Variants in ZNF628 observed in about 807,000 individuals in gnomAD.
ZNF628 encodes the protein zinc finger protein Zec.
In ZNF628, 3 loss-of-function variants were observed where a neutral mutation model predicts 2.5. The observed-to-expected ratio is 1.19, with a 90% confidence interval of 0.54 to 3.07. ZNF628 has a LOEUF of 3.07. ZNF628 is among the 30% of genes most tolerant of loss of function. The pLI, the probability that ZNF628 is intolerant of heterozygous loss-of-function variation, is 0.03. For synonymous variants in ZNF628, 861 were observed against 717.1 expected (o/e 1.20, Z -3.21); for missense variants, 1,610 against 1,517.1 (o/e 1.06, Z -1.02).
In ZNF628 at chr19:55,482,239, C is replaced by T; in HGVS notation, c.1046C>T (p.Ala349Val). The change falls in exon 3 of 3, where the codon GCC (alanine) becomes GTC (valine). Residue 349 changes from alanine to valine, a missense_variant. By Grantham distance (64) the Ala-to-Val change is moderately conservative. Transcript: ENST00000598519. ...PSPLPQPPPP[A>V]AAPAPGFACL... ...CCTCTGCCGCAGCCCCCTCCTCCCGCCGCCGCCCCCGCGCCTGGCTTTGCC... is the reference window on the plus strand; with the variant it reads ...CCTCTGCCGCAGCCCCCTCCTCCCGTCGCCGCCCCCGCGCCTGGCTTTGCC... 5 of 1,444,352 alleles carry T rather than the reference C, an allele frequency of 3.5e-6. No individual in the cohort carries two copies. Among genetic ancestry groups the T allele is most frequent in the Non-Finnish European group, 4.5e-6 (5 of 1,106,762 alleles). The allele number at this position is 1,444,352 out of a possible 1,614,324, so 89.5% of individuals were successfully genotyped here.
In ZNF628 at chr19:55,482,908, G is replaced by T. The variant is rs1440708934; in HGVS notation, c.1715G>T (p.Gly572Val). The part of the protein sequence containing the change: ...GERPHACGVC[G>V]KSFAQTSNLR... ...AGGCCCCACGCCTGCGGTGTCTGCG[G>T]CAAGAGCTTCGCGCAGACCTCCAAC... is the stretch of plus-strand genomic sequence containing the variant. Residue 572 changes from glycine to valine, a missense_variant, in exon 3 of 3, where the codon GGC becomes GTC. Physicochemically the swap from Gly to Val is moderately radical, Grantham distance 109. Around this residue, in one of 5 missense-constraint regions of ZNF628, gnomAD observed 651 missense variants for 575.6 expected, o/e 1.13. Transcript: ENST00000598519. 1 of 1,607,662 alleles carries T rather than the reference G, an allele frequency of 6.2e-7. No individual in the cohort carries two copies. Among genetic ancestry groups the T allele is most frequent in the Admixed American group, 1.7e-5 (1 of 59,788 alleles).
rs1568465868 is a variant in ZNF628, at chr19:55,479,479, G to A, written c.-77-355G>A. Reference sequence around the variant, plus strand: ...TTGGTTCTGCAGATGGGAACGTCCAGGAGAGGAGGAAAAGTGGAGGATGTG... The same window carrying A: ...TTGGTTCTGCAGATGGGAACGTCCAAGAGAGGAGGAAAAGTGGAGGATGTG... On this transcript the variant is annotated intron_variant, in intron 1 of 2. Coordinates refer to ENST00000598519, the MANE Select transcript of ZNF628 (RefSeq NM_033113.3). The surrounding 1 kb of genome is among the most constrained non-coding windows in gnomAD (Gnocchi z 5.1). Among the ~76,000 whole-genome samples, 1 of 152,230 alleles carries A rather than the reference G, an allele frequency of 6.6e-6. No individual in the cohort carries two copies. Among genetic ancestry groups the A allele is most frequent in the East Asian group, 1.9e-4 (1 of 5,200 alleles).
Position 55,484,034 on chromosome 19 carries a change from T to G in ZNF628, c.2841T>G (p.Thr947=). The G allele has an allele frequency of 1.3e-6, 2 of 1,595,992 alleles. No individual in the cohort carries two copies. Among genetic ancestry groups the G allele is most frequent in the Non-Finnish European group, 1.7e-6 (2 of 1,171,760 alleles). ...TGAGCGGGGCCGATGGCGAACAGAC[T>G]CGACTCTGCGTACAGGAGGTAGAAA... ...LVLSGADGEQ[T]RLCVQEVETL... Residue 947 remains threonine (T), a synonymous_variant, in exon 3 of 3, where the codon ACT becomes ACG. Transcript: ENST00000598519.
Position 55,482,635 on chromosome 19 carries a change from C to T in ZNF628, c.1442C>T (p.Pro481Leu), listed in dbSNP as rs1986762102. Reference protein sequence around the residue: ...YHLRDHTGERPYQCGECGKAF... With the variant: ...YHLRDHTGERLYQCGECGKAF... ...CTGCGGGACCACACGGGCGAGCGGCCCTACCAGTGTGGCGAGTGCGGCAAG... is the reference window on the plus strand; with the variant it reads ...CTGCGGGACCACACGGGCGAGCGGCTCTACCAGTGTGGCGAGTGCGGCAAG... The change falls in exon 3 of 3, where the codon CCC (proline) becomes CTC (leucine). Residue 481 changes from proline (P) to leucine (L), a missense_variant. Pro to Leu is a moderately conservative substitution (Grantham distance 98). This residue lies in a region of ZNF628 where 651 missense variants were observed against 575.6 expected (regional missense o/e 1.13). Transcript: ENST00000598519. 1 of 1,610,798 alleles carries T rather than the reference C, an allele frequency of 6.2e-7. No individual in the cohort carries two copies. The highest frequency in any genetic ancestry group is 8.5e-7 in the Non-Finnish European group (1 of 1,179,010).
Position 55,479,575 on chromosome 19 carries a change from C to G in ZNF628, c.-77-259C>G, listed in dbSNP as rs896013764. Among the ~76,000 whole-genome samples, 3 of 152,148 alleles carry G rather than the reference C, an allele frequency of 2.0e-5. No homozygotes were observed. Among genetic ancestry groups the G allele is most frequent in the Non-Finnish European group, 4.4e-5 (3 of 68,040 alleles). On this transcript the variant is annotated intron_variant, in intron 1 of 2. Transcript: ENST00000598519. The surrounding 1 kb of genome is among the most constrained non-coding windows in gnomAD (Gnocchi z 5.1). ...AGGATTGCGCAGGGTTTCTGGACCT[C>G]GCACTGCTGACATTGTGGATGGGAT...
At position 55,483,429 on chromosome 19, in the gene ZNF628, CCCT is replaced by C; in HGVS notation, c.2242_2244del (p.Ser749del). 12 of 1,518,166 alleles carry C rather than the reference CCCT, an allele frequency of 7.9e-6. No homozygotes were observed. The highest frequency in any genetic ancestry group is 2.5e-5 in the South Asian group (2 of 79,592). The allele number at this position is 1,518,166 out of a possible 1,614,324, so 94.0% of individuals were successfully genotyped here. On this transcript the variant is annotated inframe_deletion, in exon 3 of 3. Transcript: ENST00000598519. The stretch of plus-strand genomic sequence containing the variant: ...CGCACCTCCCAAGCTCATCCTGCTG[CCCT>C]CCTCCAGTGCTGGGGCTGGGGGCGG...
chr19:55,483,322 A>G lies in ZNF628; in HGVS notation c.2129A>G (p.Gln710Arg). The change falls in exon 3 of 3, where the codon CAG (glutamine) becomes CGG (arginine). Residue 710 changes from glutamine to arginine, a missense_variant. Transcript: ENST00000598519. Reference protein sequence around the residue: ...PSLGPAAPNSQTFLLVQTAQG... With the variant: ...PSLGPAAPNSRTFLLVQTAQG... ...TTGGGGCCAGCAGCGCCCAACTCTC[A>G]GACGTTCCTCCTGGTGCAAACTGCC... is the stretch of plus-strand genomic sequence containing the variant. The G allele has an allele frequency of 6.5e-7, 1 of 1,535,054 alleles. No individual in the cohort carries two copies.
chr19:55,484,035 C>A lies in ZNF628; in HGVS notation c.2842C>A (p.Arg948=). ...VLSGADGEQT[R]LCVQEVETLP... ...GAGCGGGGCCGATGGCGAACAGACT[C>A]GACTCTGCGTACAGGAGGTAGAAAC... The change falls in exon 3 of 3, where the codon CGA becomes AGA. Residue 948 remains arginine (R), a synonymous_variant. Transcript: ENST00000598519. 6.3e-7 allele frequency: 1 copy of A among 1,595,490 alleles called. No homozygotes were observed. The highest frequency in any genetic ancestry group is 1.1e-5 in the South Asian group (1 of 88,030).
rs780328005 is a variant in ZNF628, at chr19:55,483,664, G to A, written c.2471G>A (p.Arg824Gln). 2 of 1,613,592 alleles carry A rather than the reference G, an allele frequency of 1.2e-6. No homozygotes were observed. The highest frequency in any genetic ancestry group is 3.3e-5 in the Admixed American group (2 of 60,002). ...EMSGVQLQPL[R>Q]PAPEVTTVQL... ...AGTGGGGTGCAGCTCCAGCCCCTCC[G>A]ACCAGCCCCAGAAGTAACCACGGTC... Residue 824 changes from arginine (R) to glutamine (Q), a missense_variant, in exon 3 of 3, where the codon CGA (arginine) becomes CAA (glutamine). By Grantham distance (43) the Arg-to-Gln change is conservative (BLOSUM62 1). Coordinates refer to ENST00000598519, the MANE Select transcript of ZNF628 (RefSeq NM_033113.3).
rs1368362096 is a variant in ZNF628 at position 55,484,329 on chromosome 19, A to G, written c.3136A>G (p.Ile1046Val). 1.3e-6 allele frequency: 2 copies of G among 1,482,322 alleles called. No individual in the cohort carries two copies. The highest frequency in any genetic ancestry group is 1.8e-6 in the Non-Finnish European group (2 of 1,114,372). The allele number at this position is 1,482,322 out of a possible 1,614,324, so 91.8% of individuals were successfully genotyped here. ...MTPQGLPSIQ[I>V]VQTLPAVQLV... ...CCCTCAGGGCCTGCCCTCCATCCAGATTGTCCAGACTCTACCCGCAGTCCA... is the reference window on the plus strand; with the variant it reads ...CCCTCAGGGCCTGCCCTCCATCCAGGTTGTCCAGACTCTACCCGCAGTCCA... Residue 1046 changes from isoleucine (I) to valine (V), a missense_variant, in exon 3 of 3, where the codon ATT (isoleucine) becomes GTT (valine). By Grantham distance (29) the Ile-to-Val change is conservative. Around this residue, in one of 5 missense-constraint regions of ZNF628, gnomAD observed 712 missense variants for 603.6 expected, o/e 1.18. Coordinates refer to ENST00000598519, the MANE Select transcript of ZNF628 (RefSeq NM_033113.3).
At position 55,481,289 on chromosome 19, in the gene ZNF628, G is replaced by C. The variant is rs1315115201; in HGVS notation, c.96G>C (p.Pro32=). 6.2e-7 allele frequency: 1 copy of C among 1,603,542 alleles called. No individual in the cohort carries two copies. The highest frequency in any genetic ancestry group is 2.3e-5 in the East Asian group (1 of 44,370). Residue 32 remains proline, a synonymous_variant, in exon 3 of 3, where the codon CCG becomes CCC. Transcript: ENST00000598519. ...GEKPGPAAPA[P]AAQYECGECG... ...AGCCAGGCCCTGCGGCCCCTGCCCC[G>C]GCGGCCCAGTACGAATGTGGGGAGT...
rs1204043019 is a variant in ZNF628 at position 55,483,478 on chromosome 19, G to A, written c.2285G>A (p.Arg762Gln). The change falls in exon 3 of 3, where the codon CGG becomes CAG. Residue 762 changes from arginine to glutamine, a missense_variant. Coordinates refer to ENST00000598519, the MANE Select transcript of ZNF628 (RefSeq NM_033113.3). ...GGCGGCCGTGCAAGGCAGGGCCCGC[G>A]GGCAGTGGGGAAAGCGGGCCAGGGG... is the stretch of plus-strand genomic sequence containing the variant. ...AGGGRARQGP[R>Q]AVGKAGQGAG... is the part of the protein sequence containing the mutation. 1 of 1,526,818 alleles carries A rather than the reference G, an allele frequency of 6.5e-7. No individual in the cohort carries two copies. Among genetic ancestry groups the A allele is most frequent in the Non-Finnish European group, 8.8e-7 (1 of 1,139,300 alleles). The allele number at this position is 1,526,818 out of a possible 1,614,324, so 94.6% of individuals were successfully genotyped here.
chr19:55,481,158 T>G, intron 2 of ZNF628, 43 bp from the exon 3 acceptor site: 1 of 1,468,380 alleles, frequency 6.8e-7, no homozygotes, highest in Non-Finnish European at 9.0e-7. Context: ...GTTGAGATGA[T>G]CCAGTGCGGG....
In ZNF628 at chr19:55,483,359, G is replaced by T; in HGVS notation, c.2166G>T (p.Gln722His). ...TGGTGCAAACTGCCCAGGGCCTCCA[G>T]CTGATCCCCAGCAGCGTGCAGCCCC... ...FLLVQTAQGL[Q>H]LIPSSVQPPT... Residue 722 changes from glutamine (Q) to histidine (H), a missense_variant, in exon 3 of 3, where the codon CAG (glutamine) becomes CAT (histidine). This residue lies in a region of ZNF628 where 712 missense variants were observed against 603.6 expected (regional missense o/e 1.18). Transcript: ENST00000598519. The T allele has an allele frequency of 1.3e-6, 2 of 1,541,726 alleles. No individual in the cohort carries two copies. The highest frequency in any genetic ancestry group is 8.7e-7 in the Non-Finnish European group (1 of 1,145,710).
Position 55,484,468 on chromosome 19 carries a change from A to C in ZNF628, c.*95A>C. ...GTGCCGCAGGCTGGGCTTGCTAATAAAGACCCGAGTCTCCCCGCCTGTGTT... is the reference window on the plus strand; with the variant it reads ...GTGCCGCAGGCTGGGCTTGCTAATACAGACCCGAGTCTCCCCGCCTGTGTT... On this transcript the variant is annotated 3_prime_UTR_variant, in exon 3 of 3. Coordinates refer to ENST00000598519, the MANE Select transcript of ZNF628 (RefSeq NM_033113.3). 3 of 1,103,128 alleles carry C rather than the reference A, an allele frequency of 2.7e-6. No homozygotes were observed. The highest frequency in any genetic ancestry group is 3.7e-6 in the Non-Finnish European group (3 of 806,742). 68.3% of individuals were successfully genotyped at this position (1,103,128 alleles called of 1,614,324 possible). A position where few individuals can be genotyped will look rare whatever the true frequency, so the allele number is the denominator to read the frequency against.
rs1185324213 is a variant in ZNF628 at position 55,483,494 on chromosome 19, G to A, written c.2301G>A (p.Ala767=). The part of the protein sequence containing the change: ...ARQGPRAVGK[A]GQGAGVVWLP... ...AGGGCCCGCGGGCAGTGGGGAAAGC[G>A]GGCCAGGGGGCGGGAGTGGTCTGGC... is the stretch of plus-strand genomic sequence containing the variant. Residue 767 remains alanine (A), a synonymous_variant, in exon 3 of 3, where the codon GCG becomes GCA. Coordinates refer to ENST00000598519, the MANE Select transcript of ZNF628 (RefSeq NM_033113.3). 2.6e-6 allele frequency: 4 copies of A among 1,537,502 alleles called. No individual in the cohort carries two copies. Among genetic ancestry groups the A allele is most frequent in the African/African-American group, 2.7e-5 (2 of 73,318 alleles).
rs1568469489 is a variant in ZNF628, at chr19:55,484,050, G to A, written c.2857G>A (p.Glu953Lys). The A allele has an allele frequency of 6.3e-7, 1 of 1,594,626 alleles. No homozygotes were observed. The highest frequency in any genetic ancestry group is 2.3e-5 in the East Asian group (1 of 43,546). Residue 953 changes from glutamate (E) to lysine (K), a missense_variant, in exon 3 of 3, where the codon GAG becomes AAG. By Grantham distance (56) the Glu-to-Lys change is moderately conservative. Around this residue, in one of 5 missense-constraint regions of ZNF628, gnomAD observed 712 missense variants for 603.6 expected, o/e 1.18. Coordinates refer to ENST00000598519, the MANE Select transcript of ZNF628 (RefSeq NM_033113.3). Reference protein sequence around the residue: ...DGEQTRLCVQEVETLPPGLTE... With the variant: ...DGEQTRLCVQKVETLPPGLTE... ...CGAACAGACTCGACTCTGCGTACAG[G>A]AGGTAGAAACACTTCCTCCTGGGCT...
At position 55,477,632 on chromosome 19, in the gene ZNF628, T is replaced by G. The variant is rs575013088; in HGVS notation, c.-78+825T>G. ...CAAAAATTAGCCGGGCGCGGTGGCG[T>G]GCACCTGTAATCCCAGCTACTCGGG... On this transcript the variant is annotated intron_variant, in intron 1 of 2. Coordinates refer to ENST00000598519, the MANE Select transcript of ZNF628 (RefSeq NM_033113.3). 1.8e-4 allele frequency among the ~76,000 whole-genome samples: 27 copies of G among 151,874 alleles called. No individual in the cohort carries two copies. In the East Asian group the frequency reaches 4.3e-3, roughly 24 times the overall value.
At chr19:55,478,259 A>G (rs1419349772) in intron 1 of ZNF628, among the ~76,000 whole-genome samples, 1 of 152,188 alleles carries the variant, frequency 6.6e-6, no homozygotes, top group Non-Finnish European at 1.5e-5. Flanking sequence ...CTGCGGGGGA[A>G]AAATAAGGCA....
Sources: gnomAD v4.1 joint callset for allele counts (sites outside exome capture counted in the v4.1 genomes callset) on GRCh38, gnomAD v4.1.1 for gene constraint, gnomAD v4.1.1 regional missense constraint, Gnocchi (gnomAD v3.1) non-coding constraint, MANE v1.5 for transcripts, NCBI Gene and HGNC (gene_info 2026-07-23, HGNC 2026-07-21) for gene names.